ATP13A4: variants seen among roughly 807,000 people sequenced by gnomAD.
The protein encoded by ATP13A4 is ATPase 13A4.
In ATP13A4, 114 loss-of-function variants were observed where a neutral mutation model predicts 142.5. The observed-to-expected ratio is 0.80, with a 90% CI of 0.69 to 0.93. ATP13A4 has a LOEUF of 0.93. ATP13A4 is among the 40% of genes least tolerant of loss of function. The pLI, the probability that ATP13A4 is intolerant of heterozygous loss-of-function variation, is 0.00. For synonymous variants in ATP13A4, 488 were observed against 514.8 expected, an observed-to-expected ratio of 0.95 and a Z score of 0.70; for missense variants, 1,392 against 1,454.0, an observed-to-expected ratio of 0.96 and a Z score of 0.69.
chr3:193,430,848 T>C (rs1393068706), intron 25 of ATP13A4, among the ~76,000 whole-genome samples: 1 of 152,026 alleles, frequency 6.6e-6, no homozygotes, highest in Non-Finnish European at 1.5e-5. Context: ...AGAGAATGAA[T>C]AATAAAATTT....
chr3:193,446,100 C>T (rs1203555235), intron 18 of ATP13A4, among the ~76,000 whole-genome samples: 2 of 151,974 alleles, frequency 1.3e-5, no homozygotes, highest in Non-Finnish European at 2.9e-5. Context: ...GAGTTCAAGG[C>T]TGAAGTGAGC....
intron 1 of ATP13A4, among the ~76,000 whole-genome samples, chr3:193,543,648 A>G (rs2108719636): frequency 6.6e-6 from 1 of 152,336 alleles, no homozygotes; most frequent in South Asian, 2.1e-4. Context: ...GTAGAATGCT[A>G]CAAAGAACAT....
chr3:193,563,338 T>C (rs1724058418), intron 2 of ATP13A4, among the ~76,000 whole-genome samples: 1 of 152,044 alleles, frequency 6.6e-6, no homozygotes, highest in Non-Finnish European at 1.5e-5. Flanking sequence ...CCTGCCAAAA[T>C]GAGAGAAAAT....
chr3:193,514,742 G>A lies in ATP13A4; in HGVS notation c.190C>T (p.Pro64Ser), dbSNP rs1399422956. Residue 64 changes from proline to serine, a missense_variant, in exon 2 of 30, where the codon CCA (proline) becomes TCA (serine). Physicochemically the swap from Pro to Ser is moderately conservative, Grantham distance 74. Coordinates refer to ENST00000342695, the MANE Select transcript of ATP13A4 (RefSeq NM_032279.4). ...PAWHVWAHCVPCSLQEADTVL... is the reference protein window; with the variant it reads ...PAWHVWAHCVSCSLQEADTVL... The stretch of plus-strand genomic sequence containing the variant: ...GTGTCTGCTTCTTGCAAGGAACATG[G>A]GACACAATGTGCCCATACGTGCCAT... 6.2e-7 allele frequency: 1 copy of A among 1,613,938 alleles called. No individual in the cohort carries two copies. The highest frequency in any genetic ancestry group is 8.5e-7 in the Non-Finnish European group (1 of 1,180,004).
At chr3:193,487,466 A>G (rs1719696297) in intron 7 of ATP13A4, among the ~76,000 whole-genome samples, 2 of 152,170 alleles carry the variant, frequency 1.3e-5, no homozygotes, top group Non-Finnish European at 1.5e-5. Context: ...GTTGTAAGGA[A>G]TGTAAACTGG....
Position 193,462,757 on chromosome 3 carries a change from C to T in ATP13A4, c.1523+5G>A. ...GCATTTAGTCCAAGAGTCCAAGGTA[C>T]TCACCCATTCCTATCACAGGACACG... is the stretch of plus-strand genomic sequence containing the variant. On this transcript the variant is annotated splice_donor_5th_base_variant and intron_variant, in intron 13 of 29. Coordinates refer to ENST00000342695, the MANE Select transcript of ATP13A4 (RefSeq NM_032279.4). The T allele has an allele frequency of 6.2e-7, 1 of 1,612,840 alleles. No homozygotes were observed. Among genetic ancestry groups the T allele is most frequent in the Non-Finnish European group, 8.5e-7 (1 of 1,178,852 alleles).
chr3:193,439,192 G>T, intron 21 of ATP13A4, 127 bp from the exon 22 acceptor site: 1 of 1,009,708 alleles, frequency 9.9e-7, no homozygotes, highest in Non-Finnish European at 1.5e-6. Context: ...TTTCCTAAGA[G>T]TCTAGTTTGA....
In ATP13A4 at chr3:193,474,032, A is replaced by C. The variant is rs1309481136; in HGVS notation, c.809-3039T>G. On this transcript the variant is annotated intron_variant, in intron 8 of 29. Coordinates refer to ENST00000342695, the MANE Select transcript of ATP13A4 (RefSeq NM_032279.4). ...ATGTCTTTGTCTTTCAGAAATACACAGTAGAGGCCAGGCGCGGTGGCTCAC... is the reference window on the plus strand; with the variant it reads ...ATGTCTTTGTCTTTCAGAAATACACCGTAGAGGCCAGGCGCGGTGGCTCAC... 2.6e-5 allele frequency among the ~76,000 whole-genome samples: 4 copies of C among 152,234 alleles called. No individual in the cohort carries two copies. The East Asian group carries it at 7.7e-4, about 29-fold the overall frequency.
intron 2 of ATP13A4, among the ~76,000 whole-genome samples, chr3:193,503,004 C>T (rs1720640529): frequency 6.6e-6 from 1 of 151,868 alleles, no homozygotes; most frequent in African/African-American, 2.4e-5. Context: ...TCCTACAGAA[C>T]AGCCTCATTA....
chr3:193,481,089 A>G (rs574640424), intron 8 of ATP13A4, among the ~76,000 whole-genome samples: 1 of 152,346 alleles, frequency 6.6e-6, no homozygotes, highest in East Asian at 1.9e-4. Context: ...ACACAAAGGC[A>G]TAAGAATGAC....
chr3:193,470,267 T>A (rs1461401897), intron 9 of ATP13A4, among the ~76,000 whole-genome samples: 1 of 152,206 alleles, frequency 6.6e-6, no homozygotes, highest in Non-Finnish European at 1.5e-5. Context: ...TTGCCATGCC[T>A]ATGATATGAG....
intron 2 of ATP13A4, among the ~76,000 whole-genome samples, chr3:193,563,356 A>C (rs1300061841): frequency 2.6e-5 from 4 of 152,208 alleles, no homozygotes; most frequent in African/African-American, 7.2e-5. Flanking sequence ...AATGAAAGCC[A>C]GAAACTCAGG....
intron 24 of ATP13A4, among the ~76,000 whole-genome samples, chr3:193,434,302 C>G (rs560756321): frequency 2.0e-5 from 3 of 152,102 alleles, no homozygotes; most frequent in Admixed American, 1.3e-4. Flanking sequence ...TGTGTGGTAA[C>G]CTTACATAAG....
At chr3:193,556,152 A>G (rs963267939), upstream of ATP13A4, among the ~76,000 whole-genome samples, 2 of 152,158 alleles carry the variant, frequency 1.3e-5, no homozygotes, top group Non-Finnish European at 2.9e-5. Flanking sequence ...ATTCTCCTCT[A>G]TTTCCTCACA....
chr3:193,471,102 T>A, intron 8 of ATP13A4, 109 bp from the exon 9 acceptor site: 1 of 1,472,582 alleles, frequency 6.8e-7, no homozygotes, highest in Middle Eastern at 2.0e-4. Flanking sequence ...ACATTTTTTT[T>A]TTAGAAAGGA....
chr3:193,489,887 G>A (rs1719852191), intron 6 of ATP13A4, 23 bp from the exon 7 acceptor site: 6 of 1,609,446 alleles, frequency 3.7e-6, no homozygotes, highest in Middle Eastern at 1.7e-4. Flanking sequence ...ATAAAAACAG[G>A]AAGACAAGGG....
At chr3:193,577,245 T>TC (rs1375862858) in intron 2 of ATP13A4, among the ~76,000 whole-genome samples, 1 of 152,216 alleles carries the variant, frequency 6.6e-6, no homozygotes, top group African/African-American at 2.4e-5. Flanking sequence ...TTGACATCAT[T>TC]CAAAGCACTC....
At chr3:193,567,431 G>A (rs1441893505) in intron 2 of ATP13A4, among the ~76,000 whole-genome samples, 1 of 152,172 alleles carries the variant, frequency 6.6e-6, no homozygotes, top group Non-Finnish European at 1.5e-5. Flanking sequence ...ATAGCATCAT[G>A]TAGTTAAGTT....
chr3:193,585,926 G>A (rs950521893), intron 1 of ATP13A4, among the ~76,000 whole-genome samples: 2 of 152,062 alleles, frequency 1.3e-5, no homozygotes, highest in Non-Finnish European at 2.9e-5. Flanking sequence ...TTCCAAAGTG[G>A]TCGTGCCATT....
Sources: allele counts gnomAD v4.1 joint callset (sites outside exome capture counted in the v4.1 genomes callset), GRCh38; gene constraint gnomAD v4.1.1; transcripts MANE v1.5; gene names NCBI Gene and HGNC (gene_info 2026-07-23, HGNC 2026-07-21).